The following FAF2 variants were observed in gnomAD, a reference collection of about 807,000 sequenced individuals.
The protein encoded by FAF2 is FAS-associated factor 2.
Under a neutral mutation model 62.3 loss-of-function variants are expected in FAF2, and 9 were observed. The ratio of observed to expected loss-of-function variants is 0.14; its 90% confidence interval spans 0.09 to 0.25. The LOEUF (loss-of-function observed/expected upper bound fraction) is 0.25. Among genes scored for constraint, FAF2 ranks in the 10% least tolerant of loss-of-function variants. The pLI is 1.00. For missense variants in FAF2, 368 were observed against 556.2 expected (o/e 0.66, Z 3.40); for synonymous variants, 202 against 198.0 (o/e 1.02, Z -0.17).
Position 176,451,892 on chromosome 5 carries a change from A to ATTT in FAF2, c.63+3449_63+3451dup, listed in dbSNP as rs1174600881. Among the ~76,000 whole-genome samples the ATTT allele has an allele frequency of 9.7e-4, 21 of 21,678 alleles. 4 individuals carry two copies. Among genetic ancestry groups the ATTT allele is most frequent in the Non-Finnish European group, 1.6e-3 (21 of 12,782 alleles). 14.2% of individuals were successfully genotyped at this position (21,678 alleles called of 152,430 possible). ...TATACACACATATATATATATATAT[A>ATTT]TTTTTTTTTTTTTTTTTTTTTTTTT... On this transcript the variant is annotated intron_variant, in intron 1 of 10. Coordinates refer to ENST00000261942, the MANE Select transcript of FAF2 (RefSeq NM_014613.3).
intron 4 of FAF2, among the ~76,000 whole-genome samples, chr5:176,489,728 G>A (rs2113739446): frequency 6.6e-6 from 1 of 152,158 alleles, no homozygotes; most frequent in Non-Finnish European, 1.5e-5. Flanking sequence ...AGTAGAGACA[G>A]TAGAGATGGA....
chr5:176,500,295 G>A lies in FAF2; in HGVS notation c.1155+149G>A, dbSNP rs1250293595. 1.9e-5 allele frequency: 15 copies of A among 784,288 alleles called. 1 individual carries two copies. The highest frequency in any genetic ancestry group is 1.7e-4 in the South Asian group (9 of 52,454). The allele number at this position is 784,288 out of a possible 1,614,324, so 48.6% of individuals were successfully genotyped here. A position where few individuals can be genotyped will look rare whatever the true frequency, so the allele number is the denominator to read the frequency against. On this transcript the variant is annotated intron_variant, in intron 10 of 10. Transcript: ENST00000261942. ...AGAGAGAGAGATGGGTATGCCATCC[G>A]TGGACACCAGGAAGAGTACCGAGGA... is the stretch of plus-strand genomic sequence containing the variant.
At chr5:176,467,129 CTTTTTTTTTTTTTTTTT>C (rs374702773) in intron 1 of FAF2, among the ~76,000 whole-genome samples, 10 of 94,036 alleles carry the variant, frequency 1.1e-4, no homozygotes, top group African/African-American at 2.3e-4. Context: ...TTTTTTTTTC[CTTTTTTTTTTTTTTTTT>C]TTTTTTTGGT....
At chr5:176,467,329 G>T (rs1158582469) in intron 1 of FAF2, among the ~76,000 whole-genome samples, 9 of 151,410 alleles carry the variant, frequency 5.9e-5, no homozygotes, top group African/African-American at 2.2e-4. Context: ...GACTTTTTTT[G>T]GTTTTTTTTG....
At chr5:176,498,283 T>C (rs1021785397) in intron 8 of FAF2, among the ~76,000 whole-genome samples, 1 of 152,242 alleles carries the variant, frequency 6.6e-6, no homozygotes, top group Non-Finnish European at 1.5e-5. Context: ...TTATCAAAAT[T>C]CATTGAATTG....
chr5:176,477,919 T>A (rs919830681), intron 1 of FAF2, among the ~76,000 whole-genome samples: 3 of 152,208 alleles, frequency 2.0e-5, no homozygotes, highest in African/African-American at 7.2e-5. Flanking sequence ...CCCTGAAGCT[T>A]ACTGGTTGTT....
At chr5:176,464,823 T>C (rs1317719127) in intron 1 of FAF2, among the ~76,000 whole-genome samples, 1 of 152,118 alleles carries the variant, frequency 6.6e-6, no homozygotes, top group African/African-American at 2.4e-5. Context: ...GCAGAACCTT[T>C]CAAAGCCTTT....
chr5:176,498,098 A>C (rs1393275806), intron 8 of FAF2, among the ~76,000 whole-genome samples: 1 of 152,132 alleles, frequency 6.6e-6, no homozygotes. Flanking sequence ...GCACCACTGC[A>C]CTCTAGCCTG....
At chr5:176,468,471 C>G (rs925292367) in intron 1 of FAF2, among the ~76,000 whole-genome samples, 4 of 152,168 alleles carry the variant, frequency 2.6e-5, no homozygotes, top group African/African-American at 9.7e-5. Flanking sequence ...GCAGTCCCAG[C>G]TGCTCGGGAG....
At chr5:176,474,996 G>A (rs932691323) in intron 1 of FAF2, among the ~76,000 whole-genome samples, 5 of 152,100 alleles carry the variant, frequency 3.3e-5, no homozygotes, top group Non-Finnish European at 5.9e-5. Flanking sequence ...TTGAAAGCAG[G>A]CTTGTTCAGT....
intron 1 of FAF2, among the ~76,000 whole-genome samples, chr5:176,462,895 A>C (rs1200230436): frequency 1.3e-5 from 2 of 152,158 alleles, no homozygotes; most frequent in Non-Finnish European, 2.9e-5. Flanking sequence ...TTATTTTTGG[A>C]GGACCAATAA....
At chr5:176,503,789 T>A (rs2113749042) in intron 10 of FAF2, among the ~76,000 whole-genome samples, 1 of 152,344 alleles carries the variant, frequency 6.6e-6, no homozygotes, top group South Asian at 2.1e-4. Context: ...CTAATTTTTC[T>A]GTCCATTGCA....
In FAF2 at chr5:176,496,599, A is replaced by C; in HGVS notation, c.775A>C (p.Ile259Leu). ...AGGCCTCATTCAACCTGATGACCTC[A>C]TTAACCAACTGACATTTATCATGGA... Reference protein sequence around the residue: ...LEGLIQPDDLINQLTFIMDAN... With the variant: ...LEGLIQPDDLLNQLTFIMDAN... The change falls in exon 8 of 11, where the codon ATT becomes CTT. Residue 259 changes from isoleucine to leucine, a missense_variant. By Grantham distance (5) the Ile-to-Leu change is conservative. Coordinates refer to ENST00000261942, the MANE Select transcript of FAF2 (RefSeq NM_014613.3). 1 of 1,612,326 alleles carries C rather than the reference A, an allele frequency of 6.2e-7. No homozygotes were observed. The highest frequency in any genetic ancestry group is 8.5e-7 in the Non-Finnish European group (1 of 1,179,156).
chr5:176,507,203 C>T lies in FAF2; in HGVS notation c.*253C>T. The T allele has an allele frequency of 2.6e-6, 1 of 388,726 alleles. No homozygotes were observed. The highest frequency in any genetic ancestry group is 7.9e-5 in the East Asian group (1 of 12,708). 24.1% of individuals were successfully genotyped at this position (388,726 alleles called of 1,614,324 possible). The stretch of plus-strand genomic sequence containing the variant: ...TACCCGCTTGGCAAGCCCACCCTTC[C>T]TGTGGCCTCTGTGCACGCACCTTCC... On this transcript the variant is annotated 3_prime_UTR_variant, in exon 11 of 11. Transcript: ENST00000261942.
chr5:176,498,281 A>G (rs1418028433), intron 8 of FAF2, among the ~76,000 whole-genome samples: 2 of 152,262 alleles, frequency 1.3e-5, no homozygotes, highest in Non-Finnish European at 2.9e-5. Context: ...ATTTATCAAA[A>G]TTCATTGAAT....
chr5:176,489,047 T>C lies in FAF2; in HGVS notation c.344+20T>C. Reference sequence around the variant, plus strand: ...ATTTAGGTATGTACCTTTGGATTTATGTATTAGTAGAATAGTAAGACTTTG... The same window carrying C: ...ATTTAGGTATGTACCTTTGGATTTACGTATTAGTAGAATAGTAAGACTTTG... On this transcript the variant is annotated intron_variant, in intron 4 of 10. Coordinates refer to ENST00000261942, the MANE Select transcript of FAF2 (RefSeq NM_014613.3). 2 of 1,588,612 alleles carry C rather than the reference T, an allele frequency of 1.3e-6. No homozygotes were observed. Among genetic ancestry groups the C allele is most frequent in the Non-Finnish European group, 1.7e-6 (2 of 1,158,512 alleles).
chr5:176,470,422 G>A (rs1257304866), intron 1 of FAF2, among the ~76,000 whole-genome samples: 1 of 152,224 alleles, frequency 6.6e-6, no homozygotes, highest in East Asian at 1.9e-4. Flanking sequence ...CACTAAAAAT[G>A]CAAAATTAGC....
At chr5:176,496,409 A>C in intron 7 of FAF2, 77 bp from the exon 8 acceptor site, 2 of 1,182,106 alleles carry the variant, frequency 1.7e-6, no homozygotes, top group South Asian at 3.9e-5. Flanking sequence ...GTTCTCTCTC[A>C]CTCATTGTGG....
intron 1 of FAF2, among the ~76,000 whole-genome samples, chr5:176,454,182 C>T (rs951708175): frequency 2.0e-5 from 3 of 151,558 alleles, no homozygotes; most frequent in Non-Finnish European, 4.4e-5. Flanking sequence ...CACTTGAGGC[C>T]AGGAGTTCGA....
Sources: gnomAD v4.1 joint callset for allele counts (sites outside exome capture counted in the v4.1 genomes callset) on GRCh38, gnomAD v4.1.1 for gene constraint, MANE v1.5 for transcripts, NCBI Gene and HGNC (gene_info 2026-07-23, HGNC 2026-07-21) for gene names.